COX7A2: variants seen among roughly 807,000 people sequenced by gnomAD.
COX7A2 encodes the protein cytochrome c oxidase subunit 7A2, also known as cytochrome c oxidase subunit 7A2, mitochondrial.
In COX7A2, 11 loss-of-function variants were observed where a neutral mutation model predicts 11.6. That is an observed-to-expected ratio of 0.95 (90% CI 0.60 to 1.57). The LOEUF (loss-of-function observed/expected upper bound fraction) is 1.57. Ranked by LOEUF, COX7A2 falls within the 40% of genes most tolerant of loss-of-function variation. The pLI is 0.00. For synonymous variants in COX7A2, 30 were observed against 38.2 expected (o/e 0.78, Z 0.79); for missense variants, 106 against 100.9 (o/e 1.05, Z -0.22).
intron 1 of COX7A2, 135 bp downstream of exon 1, chr6:75,243,582 A>G: frequency 1.3e-6 from 1 of 767,168 alleles, no homozygotes; most frequent in Non-Finnish European, 2.2e-6. Context: ...AGGTCAGGGA[A>G]AAAGGACACG....
Position 75,243,766 on chromosome 6 carries a change from C to G in COX7A2, c.-32G>C, listed in dbSNP as rs755267029. 86 of 1,613,990 alleles carry G rather than the reference C, an allele frequency of 5.3e-5. No homozygotes were observed. Among genetic ancestry groups the G allele is most frequent in the Non-Finnish European group, 6.9e-5 (82 of 1,179,970 alleles). On this transcript the variant is annotated 5_prime_UTR_variant, in exon 1 of 4. Coordinates refer to ENST00000684430, the MANE Select transcript of COX7A2 (RefSeq NM_001366293.2). Reference sequence around the variant, plus strand: ...TGTTACTGACCAGCAACCGCCACAACTGAACACCACCAACGAAAATGGCCA... The same window carrying G: ...TGTTACTGACCAGCAACCGCCACAAGTGAACACCACCAACGAAAATGGCCA...
At chr6:75,247,690 ATTTTT>A (rs201436077), upstream of COX7A2, among the ~76,000 whole-genome samples, 2 of 147,868 alleles carry the variant, frequency 1.4e-5, no homozygotes, top group African/African-American at 2.5e-5. Context: ...CTAATCTCTG[ATTTTT>A]TTTTTTATCT....
At chr6:75,242,400 G>A (rs1044297390) in intron 1 of COX7A2, among the ~76,000 whole-genome samples, 4 of 152,110 alleles carry the variant, frequency 2.6e-5, no homozygotes, top group African/African-American at 9.7e-5. Flanking sequence ...TAGCTACTCA[G>A]GAGGCTGAGG....
chr6:75,250,184 C>T (rs1453755634), exon 1 of COX7A2: 1 of 152,170 alleles, frequency 6.6e-6, no homozygotes, highest in Non-Finnish European at 1.5e-5. Flanking sequence ...TTGGGCCTTA[C>T]TAACTTAGGT....
At chr6:75,242,949 T>G (rs927095068) in intron 1 of COX7A2, among the ~76,000 whole-genome samples, 7 of 152,200 alleles carry the variant, frequency 4.6e-5, no homozygotes, top group African/African-American at 1.7e-4. Context: ...TCTCATTACA[T>G]TTTTCCTAAA....
chr6:75,239,584 C>G (rs910716517), intron 3 of COX7A2, among the ~76,000 whole-genome samples: 11 of 152,178 alleles, frequency 7.2e-5, no homozygotes, highest in South Asian at 2.1e-4. Context: ...AAGTATTGTT[C>G]TGTACAAATT....
At chr6:75,241,046 G>T in intron 2 of COX7A2, 130 bp downstream of exon 2, 1 of 1,230,170 alleles carries the variant, frequency 8.1e-7, no homozygotes, top group Non-Finnish European at 1.1e-6. Context: ...TATGGTACAT[G>T]TCCTTGACTT....
At chr6:75,239,239 C>T (rs1369221362) in intron 3 of COX7A2, among the ~76,000 whole-genome samples, 2 of 152,156 alleles carry the variant, frequency 1.3e-5, no homozygotes, top group African/African-American at 4.8e-5. Flanking sequence ...AAGGAGGGGA[C>T]AGTCTTGTGC....
chr6:75,243,774 C>T lies in COX7A2; in HGVS notation c.-40G>A, dbSNP rs761156951. 25 of 1,613,984 alleles carry T rather than the reference C, an allele frequency of 1.5e-5. No homozygotes were observed. Among genetic ancestry groups the T allele is most frequent in the Non-Finnish European group, 1.4e-5 (16 of 1,179,990 alleles). ...ACCAGCAACCGCCACAACTGAACAC[C>T]ACCAACGAAAATGGCCACGCCGGAA... On this transcript the variant is annotated 5_prime_UTR_variant, in exon 1 of 4. Coordinates refer to ENST00000684430, the MANE Select transcript of COX7A2 (RefSeq NM_001366293.2).
At position 75,242,829 on chromosome 6, in the gene COX7A2, AT is replaced by A. The variant is rs1171031940; in HGVS notation, c.18+887del. 7.5e-4 allele frequency among the ~76,000 whole-genome samples: 4 copies of A among 5,330 alleles called. No individual in the cohort carries two copies. In the South Asian group the frequency reaches 0.013, roughly 17 times the overall value. The allele number at this position is 5,330 out of a possible 152,430, so 3.5% of individuals were successfully genotyped here. A position where few individuals can be genotyped will look rare whatever the true frequency, so the allele number is the denominator to read the frequency against. On this transcript the variant is annotated intron_variant, in intron 1 of 3. Coordinates refer to ENST00000684430, the MANE Select transcript of COX7A2 (RefSeq NM_001366293.2). Reference sequence around the variant, plus strand: ...GTGAGACTACGTCTCAAAAAAAAAAATAAAATAAAATAAAATAAAATAAAAT... The same window carrying A: ...GTGAGACTACGTCTCAAAAAAAAAAAAAAATAAAATAAAATAAAATAAAAT...
rs199577413 is a variant in COX7A2, at chr6:75,238,362, T to TA, written c.194-375dup. Among the ~76,000 whole-genome samples the TA allele has an allele frequency of 0.012, 1,741 of 150,430 alleles. 45 individuals are homozygous for TA. The East Asian group carries it at 0.12, about 11-fold the overall frequency. On this transcript the variant is annotated intron_variant, in intron 3 of 3. Transcript: ENST00000684430. Reference sequence around the variant, plus strand: ...ATGCAAGCCTTCCCTAAAGTGAATGTAAAAAAAAAGAGTGATATAATTTTA... The same window carrying TA: ...ATGCAAGCCTTCCCTAAAGTGAATGTAAAAAAAAAAGAGTGATATAATTTTA...
intron 1 of COX7A2, among the ~76,000 whole-genome samples, chr6:75,242,335 G>C (rs552278522): frequency 2.8e-4 from 43 of 152,026 alleles, no homozygotes; most frequent in Admixed American, 2.1e-3. Context: ...GCGAAACCCC[G>C]TCTCTACTAG....
chr6:75,243,888 C>A (rs539372353), upstream of COX7A2: 10 of 1,518,916 alleles, frequency 6.6e-6, no homozygotes, highest in East Asian at 4.7e-5. Flanking sequence ...CCATAGAGAG[C>A]AAAAGAAAAA....
chr6:75,241,154 C>A, intron 2 of COX7A2, 22 bp downstream of exon 2: 2 of 1,585,264 alleles, frequency 1.3e-6, no homozygotes, highest in South Asian at 1.1e-5. Flanking sequence ...CAAGTAACAT[C>A]TCCTATAAAA....
chr6:75,240,630 C>T lies in COX7A2; in HGVS notation c.109-245G>A, dbSNP rs368746255. 1.1e-3 allele frequency: 436 copies of T among 379,314 alleles called. 8 individuals carry two copies. In the South Asian group the frequency reaches 0.018, roughly 16 times the overall value. 23.5% of individuals were successfully genotyped at this position (379,314 alleles called of 1,614,324 possible). A position where few individuals can be genotyped will look rare whatever the true frequency, so the allele number is the denominator to read the frequency against. ...CCGTTAATTTGAGATCCATTAATGA[C>T]GGTCTTTCCAAAGAATATATAAACA... On this transcript the variant is annotated intron_variant, in intron 2 of 3. Transcript: ENST00000684430.
intron 3 of COX7A2, 50 bp from the exon 4 acceptor site, chr6:75,238,038 G>T: frequency 7.9e-7 from 1 of 1,264,238 alleles, no homozygotes; most frequent in Non-Finnish European, 1.1e-6. Flanking sequence ...TAAGATCTAA[G>T]TGTATAAATT....
upstream of COX7A2, among the ~76,000 whole-genome samples, chr6:75,245,995 T>A (rs941254628): frequency 3.9e-5 from 6 of 152,222 alleles, no homozygotes; most frequent in Non-Finnish European, 8.8e-5. Context: ...TTTCCTTTCC[T>A]GGATCCTTAT....
At chr6:75,240,444 G>A in intron 2 of COX7A2, 59 bp from the exon 3 acceptor site, 5 of 1,223,910 alleles carry the variant, frequency 4.1e-6, no homozygotes, top group South Asian at 2.8e-5. Flanking sequence ...TTCCAACTAA[G>A]TTTCAAAAGA....
At chr6:75,237,693 TG>T (rs890752815), downstream of COX7A2, 4 of 392,396 alleles carry the variant, frequency 1.0e-5, no homozygotes, top group African/African-American at 6.0e-5. Flanking sequence ...ACAAGTTTAG[TG>T]GCAAAAGAAT....
Sources: gnomAD v4.1 joint callset for allele counts (sites outside exome capture counted in the v4.1 genomes callset) on GRCh38, gnomAD v4.1.1 for gene constraint, MANE v1.5 for transcripts, NCBI Gene and HGNC (gene_info 2026-07-23, HGNC 2026-07-21) for gene names.